SHQ1: variants seen among roughly 807,000 people sequenced by gnomAD.
SHQ1 encodes the protein SHQ1, H/ACA ribonucleoprotein assembly factor, also known as protein SHQ1 homolog.
Under a neutral mutation model 53.8 loss-of-function variants are expected in SHQ1, and 49 were observed. The ratio of observed to expected loss-of-function variants is 0.91; its 90% CI spans 0.72 to 1.16. SHQ1 has a LOEUF of 1.16. Ranked by LOEUF, SHQ1 falls within the 50% of genes most tolerant of loss-of-function variation. The pLI is 0.00. For synonymous variants in SHQ1, 243 were observed against 251.0 expected, an observed-to-expected ratio of 0.97 and a Z score of 0.30; for missense variants, 738 against 683.1, an observed-to-expected ratio of 1.08 and a Z score of -0.90.
chr3:72,754,704 ATT>A (rs1705464984), intron 10 of SHQ1, among the ~76,000 whole-genome samples: 1 of 152,176 alleles, frequency 6.6e-6, no homozygotes, highest in Non-Finnish European at 1.5e-5. Flanking sequence ...TTAAGGCCAC[ATT>A]CTTTACTTCT....
At chr3:72,782,861 T>C (rs1479042598) in intron 10 of SHQ1, among the ~76,000 whole-genome samples, 1 of 152,186 alleles carries the variant, frequency 6.6e-6, no homozygotes, top group Non-Finnish European at 1.5e-5. Context: ...ATGTAAGCCT[T>C]TTCTCTGAAT....
At chr3:72,753,758 C>CTGAGGCA (rs912080560) in intron 10 of SHQ1, 7 of 459,152 alleles carry the variant, frequency 1.5e-5, no homozygotes, top group Non-Finnish European at 2.0e-5. Flanking sequence ...TTTTATCAGT[C>CTGAGGCA]TGAGGCATTT....
In SHQ1 at chr3:72,824,490, C is replaced by T. The variant is rs1189928467; in HGVS notation, c.661G>A (p.Asp221Asn). 6.2e-7 allele frequency: 1 copy of T among 1,613,004 alleles called. No homozygotes were observed. Among genetic ancestry groups the T allele is most frequent in the East Asian group, 2.2e-5 (1 of 44,724 alleles). ...QILKYNPWWTDKYSKMMAFLE... is the reference protein window; with the variant it reads ...QILKYNPWWTNKYSKMMAFLE... ...AAGGCCATCATTTTTGAATATTTGT[C>T]AGTCCACCAAGGATTATACTTCAAA... The change falls in exon 6 of 11, where the codon GAC becomes AAC. Residue 221 changes from aspartate (D) to asparagine (N), a missense_variant. Physicochemically the swap from Asp to Asn is conservative, Grantham distance 23 (BLOSUM62 1). Transcript: ENST00000325599.
chr3:72,757,241 C>T (rs975563668), intron 10 of SHQ1, among the ~76,000 whole-genome samples: 1 of 152,290 alleles, frequency 6.6e-6, no homozygotes, highest in Admixed American at 6.5e-5. Flanking sequence ...TCACAGAGGA[C>T]AAGACTCCAG....
chr3:72,756,919 C>T (rs536807623), intron 10 of SHQ1, among the ~76,000 whole-genome samples: 3 of 152,282 alleles, frequency 2.0e-5, no homozygotes, highest in South Asian at 2.1e-4. Context: ...TAAGCTGATA[C>T]AAAATTTCCT....
chr3:72,766,889 G>GGCCACTAACCCCATGTGGCTGTC (rs1440190524), intron 10 of SHQ1, among the ~76,000 whole-genome samples: 57 of 152,148 alleles, frequency 3.7e-4, no homozygotes, highest in African/African-American at 1.4e-3. Context: ...GTCCAATATG[G>GGCCACTAACCCCATGTGGCTGTC]GCCACTAACC....
intron 8 of SHQ1, among the ~76,000 whole-genome samples, chr3:72,814,788 C>T (rs1267114882): frequency 6.6e-6 from 1 of 151,982 alleles, no homozygotes. Flanking sequence ...TATTACTATA[C>T]TAAAAGAGTT....
At chr3:72,770,027 C>G (rs948142596) in intron 10 of SHQ1, among the ~76,000 whole-genome samples, 1 of 152,210 alleles carries the variant, frequency 6.6e-6, no homozygotes, top group Non-Finnish European at 1.5e-5. Flanking sequence ...CTATAAAGCA[C>G]TTAGCACAAT....
the SHQ1 span, among the ~76,000 whole-genome samples, chr3:72,739,591 C>T: frequency 5.3e-5 from 8 of 152,178 alleles, no homozygotes; most frequent in Admixed American, 4.6e-4. Context: ...ATACTGGAGA[C>T]AGTATCGGCC....
intron 10 of SHQ1, chr3:72,772,931 A>G: frequency 1.2e-6 from 1 of 859,424 alleles, no homozygotes. Context: ...TTATTTGACC[A>G]GCATGAAGAA....
the SHQ1 span, among the ~76,000 whole-genome samples, chr3:72,739,952 G>A: frequency 6.5e-4 from 99 of 152,296 alleles, no homozygotes; most frequent in African/African-American, 2.2e-3. Context: ...GCCAGGAAGA[G>A]TGTGGCCTTA....
chr3:72,845,081 C>T (rs942449730), intron 1 of SHQ1, among the ~76,000 whole-genome samples: 1 of 150,476 alleles, frequency 6.6e-6, no homozygotes, highest in African/African-American at 2.4e-5. Context: ...AAACACAAAA[C>T]CAATTGATTT....
At chr3:72,841,299 G>C in intron 3 of SHQ1, 100 bp from the exon 4 acceptor site, 1 of 792,626 alleles carries the variant, frequency 1.3e-6, no homozygotes. Context: ...TGTACCAAAA[G>C]ACATATACCA....
At chr3:72,789,170 T>C (rs1390540593) in intron 10 of SHQ1, among the ~76,000 whole-genome samples, 1 of 151,728 alleles carries the variant, frequency 6.6e-6, no homozygotes, top group Non-Finnish European at 1.5e-5. Flanking sequence ...AATACTAATA[T>C]TGGTTGAATT....
At chr3:72,773,038 A>C in intron 10 of SHQ1, 2 of 1,005,080 alleles carry the variant, frequency 2.0e-6, no homozygotes, top group Middle Eastern at 2.6e-4. Context: ...TAATCCAATC[A>C]AAGAAGAAAT....
chr3:72,726,550 C>G, the SHQ1 span, among the ~76,000 whole-genome samples: 1 of 152,078 alleles, frequency 6.6e-6, no homozygotes, highest in Non-Finnish European at 1.5e-5. Context: ...CGGGGTTTTG[C>G]CATGTTGGCC....
chr3:72,749,088 T>C (rs1013735936), downstream of SHQ1, among the ~76,000 whole-genome samples: 8 of 152,088 alleles, frequency 5.3e-5, no homozygotes, highest in African/African-American at 1.4e-4. Context: ...ACCATATCAA[T>C]AACCATCATG....
intron 9 of SHQ1, among the ~76,000 whole-genome samples, chr3:72,802,848 G>C (rs774437961): frequency 2.0e-5 from 3 of 152,152 alleles, no homozygotes; most frequent in Non-Finnish European, 4.4e-5. Flanking sequence ...CCAGGCTCTG[G>C]CTGACAAGAG....
the SHQ1 span, among the ~76,000 whole-genome samples, chr3:72,744,094 C>T: frequency 8.6e-3 from 1,308 of 152,304 alleles, 16 homozygotes; most frequent in African/African-American, 0.03. Context: ...ACAAGAGGCA[C>T]TGGATTGCAA....
Sources: allele counts gnomAD v4.1 joint callset (sites outside exome capture counted in the v4.1 genomes callset), GRCh38; gene constraint gnomAD v4.1.1; transcripts MANE v1.5; gene names NCBI Gene and HGNC (gene_info 2026-07-23, HGNC 2026-07-21).